Variants in FXYD6 observed in about 807,000 individuals in gnomAD.
FXYD6 encodes the protein FXYD domain containing ion transport regulator 6, also known as FXYD domain-containing ion transport regulator 6.
A neutral mutation model predicts 16.7 loss-of-function variants in FXYD6; 7 were observed. The ratio of observed to expected loss-of-function variants is 0.42; its 90% CI spans 0.24 to 0.79. The LOEUF is 0.79. FXYD6 is among the 30% of genes least tolerant of loss of function. The pLI is 0.28. For missense variants in FXYD6, 111 were observed against 116.2 expected (o/e 0.95, Z 0.21); for synonymous variants, 49 against 43.0 (o/e 1.14, Z -0.54).
chr11:117,839,636 C>T, intron 7 of FXYD6, 145 bp downstream of exon 7: 1 of 911,272 alleles, frequency 1.1e-6, no homozygotes, highest in Non-Finnish European at 1.7e-6. Context: ...CTTTCAGACT[C>T]CTGAAGGCTC....
chr11:117,853,595 G>T (rs2056655631), intron 1 of FXYD6, among the ~76,000 whole-genome samples: 1 of 152,156 alleles, frequency 6.6e-6, no homozygotes, highest in African/African-American at 2.4e-5. Context: ...CCTCCTGAGT[G>T]ATCCTCCTGC....
chr11:117,854,301 G>A lies in FXYD6; in HGVS notation c.-5-11520C>T, dbSNP rs762903739. On this transcript the variant is annotated intron_variant, in intron 1 of 7. Transcript: ENST00000526014. Reference sequence around the variant, plus strand: ...AGTGGCCTCTTGACCAGCTCTAGCCGGAAGAGGGAGTGCAGTGTTGGCAAT... The same window carrying A: ...AGTGGCCTCTTGACCAGCTCTAGCCAGAAGAGGGAGTGCAGTGTTGGCAAT... Among the ~76,000 whole-genome samples the A allele has an allele frequency of 5.3e-5, 8 of 152,322 alleles. No individual in the cohort carries two copies. In the East Asian group the frequency reaches 5.8e-4, roughly 11 times the overall value.
At chr11:117,860,993 T>G (rs1314070218) in intron 1 of FXYD6, among the ~76,000 whole-genome samples, 1 of 152,214 alleles carries the variant, frequency 6.6e-6, no homozygotes, top group Non-Finnish European at 1.5e-5. Flanking sequence ...TCCAGGGTCC[T>G]TGCTCTGAGC....
intron 1 of FXYD6, among the ~76,000 whole-genome samples, chr11:117,862,883 A>C (rs369761065): frequency 2.2e-4 from 33 of 152,170 alleles, no homozygotes; most frequent in African/African-American, 7.2e-4. Flanking sequence ...TCAAAAGAGA[A>C]AGGGGAGCTG....
At chr11:117,860,358 G>A (rs1382348311) in intron 1 of FXYD6, among the ~76,000 whole-genome samples, 1 of 152,210 alleles carries the variant, frequency 6.6e-6, no homozygotes, top group African/African-American at 2.4e-5. Context: ...CCAGCAGGCT[G>A]AGGCAGCGAG....
chr11:117,838,252 CA>C lies in FXYD6; in HGVS notation c.*46del, dbSNP rs1376175985. The C allele has an allele frequency of 1.4e-6, 1 of 702,546 alleles. No individual in the cohort carries two copies. Among genetic ancestry groups the C allele is most frequent in the Admixed American group, 2.0e-5 (1 of 50,016 alleles). The allele number at this position is 702,546 out of a possible 1,614,324, so 43.5% of individuals were successfully genotyped here. ...GCATCGACATTTGCATCCAAAGGTT[CA>C]AGCAGCCGCCTCAGGTTCCAGAGGC... On this transcript the variant is annotated 3_prime_UTR_variant, in exon 8 of 8. Coordinates refer to ENST00000526014, the MANE Select transcript of FXYD6 (RefSeq NM_022003.4).
intron 1 of FXYD6, among the ~76,000 whole-genome samples, chr11:117,863,827 T>A (rs1344559493): frequency 6.6e-6 from 1 of 151,874 alleles, no homozygotes; most frequent in East Asian, 1.9e-4. Context: ...CAATAAAAAA[T>A]CTGAAGAGGA....
intron 1 of FXYD6, 79 bp from the exon 2 acceptor site, chr11:117,842,860 G>T (rs1395407108): frequency 4.1e-6 from 6 of 1,461,574 alleles, no homozygotes; most frequent in Admixed American, 2.1e-5. Context: ...GCCTGACCAG[G>T]GGCCAAGCCA....
chr11:117,866,725 T>C (rs876798), intron 1 of FXYD6, among the ~76,000 whole-genome samples: 25,393 of 152,170 alleles, frequency 0.17, 2,311 homozygotes, highest in African/African-American at 0.24. Flanking sequence ...CGCTGCACTT[T>C]GCCTAGCAGA....
In FXYD6 at chr11:117,870,654, T is replaced by A. The variant is rs1405599323; in HGVS notation, c.-6+5938A>T. On this transcript the variant is annotated intron_variant, in intron 1 of 7. Coordinates refer to ENST00000526014, the MANE Select transcript of FXYD6 (RefSeq NM_022003.4). This position sits in a 1 kb window ranked among gnomAD's most constrained non-coding sequence, Gnocchi z 4.2. Reference sequence around the variant, plus strand: ...TTTAGGGGTAGAAGTGGCATGAAGATGAACCCTGACCCACGGGCCTGGATA... The same window carrying A: ...TTTAGGGGTAGAAGTGGCATGAAGAAGAACCCTGACCCACGGGCCTGGATA... Among the ~76,000 whole-genome samples the A allele has an allele frequency of 6.6e-6, 1 of 152,230 alleles. No individual in the cohort carries two copies. The highest frequency in any genetic ancestry group is 1.5e-5 in the Non-Finnish European group (1 of 68,046).
At chr11:117,842,938 C>CT (rs149530999) in intron 1 of FXYD6, among the ~76,000 whole-genome samples, 157 bp from the exon 2 acceptor site, 20,431 of 146,880 alleles carry the variant, frequency 0.14, 1,621 homozygotes, top group African/African-American at 0.23. Context: ...AAGCAGTTGA[C>CT]TTTTTTTTTT....
chr11:117,876,047 G>T (rs545571839), intron 1 of FXYD6, among the ~76,000 whole-genome samples: 1 of 152,212 alleles, frequency 6.6e-6, no homozygotes, highest in Non-Finnish European at 1.5e-5. Context: ...ATGAATCCCC[G>T]AGCGCTAGAA....
intron 1 of FXYD6, among the ~76,000 whole-genome samples, chr11:117,849,146 A>C (rs2056546244): frequency 6.6e-6 from 1 of 152,256 alleles, no homozygotes; most frequent in Non-Finnish European, 1.5e-5. Context: ...AACAATAATC[A>C]ATAACCACAC....
At chr11:117,859,170 T>G (rs2056846551) in intron 1 of FXYD6, among the ~76,000 whole-genome samples, 1 of 152,202 alleles carries the variant, frequency 6.6e-6, no homozygotes, top group African/African-American at 2.4e-5. Context: ...CTAGACACTG[T>G]GCAAGACCCC....
At chr11:117,868,708 T>C (rs2057064339) in intron 1 of FXYD6, among the ~76,000 whole-genome samples, 1 of 152,220 alleles carries the variant, frequency 6.6e-6, no homozygotes, top group Admixed American at 6.5e-5. Flanking sequence ...TGTACCACCC[T>C]AATGTAAGAT....
Position 117,842,857 on chromosome 11 carries a change from C to G in FXYD6, c.-5-76G>C. 2.7e-6 allele frequency: 4 copies of G among 1,490,880 alleles called. No homozygotes were observed. The East Asian group carries it at 9.9e-5, about 37-fold the overall frequency. The allele number at this position is 1,490,880 out of a possible 1,614,324, so 92.4% of individuals were successfully genotyped here. A position where few individuals can be genotyped will look rare whatever the true frequency, so the allele number is the denominator to read the frequency against. On this transcript the variant is annotated intron_variant, in intron 1 of 7. Coordinates refer to ENST00000526014, the MANE Select transcript of FXYD6 (RefSeq NM_022003.4). ...CGTCAGCTCCAAGCGTCAGCCTGAC[C>G]AGGGGCCAAGCCAAATCCCCAGCTT... is the stretch of plus-strand genomic sequence containing the variant.
intron 1 of FXYD6, among the ~76,000 whole-genome samples, chr11:117,856,403 C>T (rs1201122439): frequency 1.3e-5 from 2 of 152,150 alleles, no homozygotes; most frequent in Non-Finnish European, 2.9e-5. Flanking sequence ...CCCCTGCTCC[C>T]GAAGCTTCAC....
At chr11:117,846,380 T>C (rs560202053) in intron 1 of FXYD6, among the ~76,000 whole-genome samples, 1 of 152,374 alleles carries the variant, frequency 6.6e-6, no homozygotes, top group Admixed American at 6.5e-5. Flanking sequence ...TTTTAAAAAT[T>C]GTCTTCTGTT....
chr11:117,875,261 T>C (rs1165486692), intron 1 of FXYD6, among the ~76,000 whole-genome samples: 1 of 151,954 alleles, frequency 6.6e-6, no homozygotes, highest in Non-Finnish European at 1.5e-5. Flanking sequence ...GGTGTGTTGA[T>C]TGCGTAGTGT....
Sources: allele counts gnomAD v4.1 joint callset (sites outside exome capture counted in the v4.1 genomes callset), GRCh38; gene constraint gnomAD v4.1.1; non-coding constraint Gnocchi (gnomAD v3.1); transcripts MANE v1.5; gene names NCBI Gene and HGNC (gene_info 2026-07-23, HGNC 2026-07-21).